HS3ST4: variants seen among roughly 807,000 people sequenced by gnomAD.
HS3ST4 encodes heparan sulfate glucosamine 3-O-sulfotransferase 4.
HS3ST4 carries 17 observed loss-of-function variants against 29.2 expected under a neutral mutation model. That is an observed-to-expected ratio of 0.58 (90% CI 0.40 to 0.87). The LOEUF (loss-of-function observed/expected upper bound fraction) is 0.87. HS3ST4 is among the 40% of genes least tolerant of loss of function. The probability of loss-of-function intolerance (pLI) is 0.00; values close to 1 mark genes in which losing one functional copy is unlikely to be tolerated. For missense variants in HS3ST4, 627 were observed against 634.5 expected, an observed-to-expected ratio of 0.99 and a Z score of 0.13; for synonymous variants, 314 against 285.7, an observed-to-expected ratio of 1.10 and a Z score of -1.00.
chr16:25,931,378 C>T (rs572520307), intron 1 of HS3ST4, among the ~76,000 whole-genome samples: 4 of 152,214 alleles, frequency 2.6e-5, no homozygotes, highest in Non-Finnish European at 4.4e-5. Flanking sequence ...CTCTGCCAGG[C>T]CCATGGCTTT....
chr16:25,763,505 A>G (rs905635671), intron 1 of HS3ST4, among the ~76,000 whole-genome samples: 2 of 152,208 alleles, frequency 1.3e-5, no homozygotes, highest in African/African-American at 2.4e-5. Context: ...TGCATTTACC[A>G]ACGATCACCA....
chr16:25,937,329 A>C (rs2141690409), intron 1 of HS3ST4, among the ~76,000 whole-genome samples: 1 of 152,314 alleles, frequency 6.6e-6, no homozygotes, highest in African/African-American at 2.4e-5. Flanking sequence ...CCCTAGACCA[A>C]GTTGAACTTG....
At chr16:25,980,460 G>C in intron 1 of HS3ST4, among the ~76,000 whole-genome samples, 1 of 152,066 alleles carries the variant, frequency 6.6e-6, no homozygotes, top group Non-Finnish European at 1.5e-5. Flanking sequence ...TGTACTCCCT[G>C]ACCACAGCGT....
chr16:26,137,163 A>G lies in HS3ST4; in HGVS notation c.*915A>G, dbSNP rs950498972. 1 of 151,992 alleles carries G rather than the reference A, an allele frequency of 6.6e-6. No individual in the cohort carries two copies. Among genetic ancestry groups the G allele is most frequent in the African/African-American group, 2.4e-5 (1 of 41,378 alleles). The allele number at this position is 151,992 out of a possible 1,614,324, so 9.4% of individuals were successfully genotyped here. On this transcript the variant is annotated 3_prime_UTR_variant, in exon 2 of 2. Coordinates refer to ENST00000331351, the MANE Select transcript of HS3ST4 (RefSeq NM_006040.3). ...TGGGAGGTTACCTTACCTGAAGACC[A>G]TCTCTCCCAAGCACTGTAGTTCTGA...
intron 1 of HS3ST4, among the ~76,000 whole-genome samples, chr16:25,828,307 T>TGTCC (rs1567249550): frequency 1.2e-5 from 1 of 84,702 alleles, no homozygotes; most frequent in African/African-American, 6.0e-5. Context: ...TTTCCCTCTC[T>TGTCC]CTCTCTCTCT....
chr16:25,852,815 T>C (rs989473364), intron 1 of HS3ST4, among the ~76,000 whole-genome samples: 1 of 152,216 alleles, frequency 6.6e-6, no homozygotes, highest in Non-Finnish European at 1.5e-5. Flanking sequence ...TATTATCCTA[T>C]ATTCTTCTTT....
intron 1 of HS3ST4, among the ~76,000 whole-genome samples, chr16:25,743,577 C>T (rs1036155577): frequency 1.3e-5 from 2 of 152,144 alleles, no homozygotes; most frequent in African/African-American, 4.8e-5. Flanking sequence ...ACGATATCGG[C>T]TCACTACAAC....
chr16:26,066,157 C>T (rs918576007), intron 1 of HS3ST4, among the ~76,000 whole-genome samples: 1 of 152,152 alleles, frequency 6.6e-6, no homozygotes, highest in Non-Finnish European at 1.5e-5. Flanking sequence ...AGGAGACTTG[C>T]TTTGTAAGTG....
chr16:26,097,023 C>T (rs1266001771), intron 1 of HS3ST4, among the ~76,000 whole-genome samples: 1 of 152,132 alleles, frequency 6.6e-6, no homozygotes, highest in Non-Finnish European at 1.5e-5. Flanking sequence ...ATCCAACTTA[C>T]AAGGGATGTG....
intron 1 of HS3ST4, among the ~76,000 whole-genome samples, chr16:25,832,451 T>C (rs1484090167): frequency 6.6e-6 from 1 of 152,204 alleles, no homozygotes; most frequent in Non-Finnish European, 1.5e-5. Flanking sequence ...AAGCACACAA[T>C]GGTTCGGACT....
intron 1 of HS3ST4, among the ~76,000 whole-genome samples, chr16:25,973,346 A>G (rs1480273671): frequency 2.0e-5 from 3 of 152,268 alleles, no homozygotes; most frequent in Non-Finnish European, 4.4e-5. Context: ...GATGTATGAC[A>G]TAGAAGAAAG....
chr16:25,981,777 C>T (rs1277721382), intron 1 of HS3ST4, among the ~76,000 whole-genome samples: 1 of 152,110 alleles, frequency 6.6e-6, no homozygotes, highest in African/African-American at 2.4e-5. Flanking sequence ...GATAGTCACT[C>T]AATAAAGACT....
intron 1 of HS3ST4, among the ~76,000 whole-genome samples, chr16:25,964,795 G>A (rs1439033927): frequency 1.3e-5 from 2 of 152,074 alleles, no homozygotes; most frequent in Admixed American, 6.6e-5. Flanking sequence ...TTTGTTTCCT[G>A]TAATTTTACT....
intron 1 of HS3ST4, among the ~76,000 whole-genome samples, chr16:26,092,860 C>T (rs986272303): frequency 3.3e-5 from 5 of 152,054 alleles, no homozygotes; most frequent in Non-Finnish European, 7.4e-5. Flanking sequence ...ACAGACTGTA[C>T]CTGGAAAAAC....
At chr16:26,129,569 C>T (rs1182892578) in intron 1 of HS3ST4, among the ~76,000 whole-genome samples, 1 of 152,188 alleles carries the variant, frequency 6.6e-6, no homozygotes, top group African/African-American at 2.4e-5. Context: ...ATGAGAGTCA[C>T]TCTTCAAGAT....
At chr16:25,831,396 T>TACACACACACACAC (rs58851793) in intron 1 of HS3ST4, among the ~76,000 whole-genome samples, 126 of 126,132 alleles carry the variant, frequency 1.0e-3, no homozygotes, top group East Asian at 2.8e-3. Context: ...ACCCCGTCTC[T>TACACACACACACAC]ACACACACAC....
rs566166014 is a variant in HS3ST4, at chr16:26,054,668, G to A, written c.735-80944G>A. ...ACAGCACCAGGTCATTATTTTGGTG[G>A]TAATTACCCCCATCAGGGTCCAGAG... On this transcript the variant is annotated intron_variant, in intron 1 of 1. Coordinates refer to ENST00000331351, the MANE Select transcript of HS3ST4 (RefSeq NM_006040.3). 4.6e-5 allele frequency among the ~76,000 whole-genome samples: 7 copies of A among 152,272 alleles called. No individual in the cohort carries two copies. In the East Asian group the frequency reaches 1.3e-3, roughly 29 times the overall value.
chr16:25,734,002 A>C (rs1966589446), intron 1 of HS3ST4, among the ~76,000 whole-genome samples: 2 of 152,230 alleles, frequency 1.3e-5, no homozygotes, highest in African/African-American at 4.8e-5. Flanking sequence ...CTGTAGTCCC[A>C]GCTACTTGGG....
chr16:25,752,825 A>G (rs151314665), intron 1 of HS3ST4, among the ~76,000 whole-genome samples: 1 of 152,350 alleles, frequency 6.6e-6, no homozygotes, highest in East Asian at 1.9e-4. Context: ...CAACTGCCTT[A>G]CTTAGGAAGC....
Sources: allele counts gnomAD v4.1 joint callset (sites outside exome capture counted in the v4.1 genomes callset), GRCh38; gene constraint gnomAD v4.1.1; transcripts MANE v1.5; gene names NCBI Gene and HGNC (gene_info 2026-07-23, HGNC 2026-07-21).